The following GPATCH1 variants were observed in gnomAD, a reference collection of about 807,000 sequenced individuals.
The protein encoded by GPATCH1 is G patch domain-containing protein 1.
Under a neutral mutation model 114.9 loss-of-function variants are expected in GPATCH1, and 73 were observed. That is an observed-to-expected ratio of 0.64 (90% CI 0.53 to 0.77). The LOEUF (loss-of-function observed/expected upper bound fraction) is 0.77, where lower values mean the gene tolerates loss of function less well. Among genes scored for constraint, GPATCH1 ranks in the 30% least tolerant of loss-of-function variants. GPATCH1 has a pLI of 0.00. For missense variants in GPATCH1, 1,058 were observed against 1,144.3 expected (o/e 0.92, Z 1.09); for synonymous variants, 391 against 428.4 (o/e 0.91, Z 1.08).
chr19:33,086,136 C>T (rs1972531806), intron 1 of GPATCH1, among the ~76,000 whole-genome samples: 1 of 152,178 alleles, frequency 6.6e-6, no homozygotes, highest in African/African-American at 2.4e-5. Context: ...AAGAATTCTC[C>T]AGCACAAAAT....
chr19:33,106,169 T>A (rs545463876), intron 9 of GPATCH1, among the ~76,000 whole-genome samples: 113 of 149,386 alleles, frequency 7.6e-4, no homozygotes, highest in Non-Finnish European at 1.2e-3. Flanking sequence ...TTTAAAAAAA[T>A]TTTTTTTTTA....
intron 9 of GPATCH1, among the ~76,000 whole-genome samples, chr19:33,104,414 G>T (rs1432561470): frequency 6.6e-6 from 1 of 152,000 alleles, no homozygotes; most frequent in African/African-American, 2.4e-5. Context: ...TTTCTGCCAT[G>T]TTCCTCTGGG....
chr19:33,105,203 G>A (rs1474780422), intron 9 of GPATCH1, among the ~76,000 whole-genome samples: 3 of 151,700 alleles, frequency 2.0e-5, no homozygotes, highest in East Asian at 1.9e-4. Context: ...AGGCTGAGGC[G>A]GGTGGATCAT....
chr19:33,094,479 T>A (rs542575124), intron 5 of GPATCH1, among the ~76,000 whole-genome samples: 6 of 152,188 alleles, frequency 3.9e-5, no homozygotes, highest in African/African-American at 1.4e-4. Flanking sequence ...CCAGGCTAAT[T>A]TTTTGTATTT....
chr19:33,111,775 G>A lies in GPATCH1; in HGVS notation c.1637G>A (p.Arg546His), dbSNP rs766374487. 4 of 1,614,130 alleles carry A rather than the reference G, an allele frequency of 2.5e-6. No homozygotes were observed. Among genetic ancestry groups the A allele is most frequent in the South Asian group, 1.1e-5 (1 of 91,088 alleles). Reference protein sequence around the residue: ...DPSMTEWERGRERDEFARAAL... With the variant: ...DPSMTEWERGHERDEFARAAL... ...AGCATGACAGAGTGGGAGCGAGGCCGTGAGCGGGATGAGTTTGCCCGGGCG... is the reference window on the plus strand; with the variant it reads ...AGCATGACAGAGTGGGAGCGAGGCCATGAGCGGGATGAGTTTGCCCGGGCG... The change falls in exon 12 of 20, where the codon CGT (arginine) becomes CAT (histidine). Residue 546 changes from arginine to histidine, a missense_variant. Arg to His is a conservative substitution (Grantham distance 29). Transcript: ENST00000170564.
At chr19:33,086,982 T>A (rs796139732) in intron 1 of GPATCH1, among the ~76,000 whole-genome samples, 3 of 145,834 alleles carry the variant, frequency 2.1e-5, no homozygotes, top group African/African-American at 8.4e-5. Context: ...AAAAAAAAAA[T>A]AAATAAAGTA....
Position 33,111,902 on chromosome 19 carries a change from G to A in GPATCH1, c.1764G>A (p.Glu588=). The A allele has an allele frequency of 8.7e-6, 14 of 1,611,106 alleles. No homozygotes were observed. The highest frequency in any genetic ancestry group is 1.2e-5 in the Non-Finnish European group (14 of 1,177,284). ...SDQVEVPRDQ[E]NDVGDKQSAV... ...AGGTTGAAGTCCCTCGAGACCAAGA[G>A]GTCTGTTGTCACCATGTCCCTTACC... The change falls in exon 12 of 20, where the codon GAG becomes GAA. Residue 588 remains glutamate, a splice_region_variant and synonymous_variant. Coordinates refer to ENST00000170564, the MANE Select transcript of GPATCH1 (RefSeq NM_018025.3).
At chr19:33,124,641 T>C (rs1329593008) in intron 17 of GPATCH1, among the ~76,000 whole-genome samples, 1 of 152,188 alleles carries the variant, frequency 6.6e-6, no homozygotes, top group African/African-American at 2.4e-5. Context: ...CTAGTCTGTG[T>C]CCCTAAAAGG....
At chr19:33,088,363 A>C in intron 2 of GPATCH1, 95 bp downstream of exon 2, 1 of 955,006 alleles carries the variant, frequency 1.0e-6, no homozygotes, top group Admixed American at 2.5e-5. Context: ...TTTAATTTTG[A>C]GACAAGAGTC....
In GPATCH1 at chr19:33,130,226, A is replaced by G. The variant is rs1204199305; in HGVS notation, c.*66A>G. On this transcript the variant is annotated 3_prime_UTR_variant, in exon 20 of 20. Transcript: ENST00000170564. ...CATGATGGAAGCCCAGTGATTGTTC[A>G]GTTAACGCATTGTACAGAGTGTATT... 7.2e-5 allele frequency: 79 copies of G among 1,104,104 alleles called. No homozygotes were observed. Among genetic ancestry groups the G allele is most frequent in the Middle Eastern group, 3.9e-4 (2 of 5,112 alleles). 68.4% of individuals were successfully genotyped at this position (1,104,104 alleles called of 1,614,324 possible). A position where few individuals can be genotyped will look rare whatever the true frequency, so the allele number is the denominator to read the frequency against.
At chr19:33,114,138 C>T (rs1599862953) in intron 14 of GPATCH1, 115 bp from the exon 15 acceptor site, 5 of 1,045,638 alleles carry the variant, frequency 4.8e-6, no homozygotes, top group Non-Finnish European at 7.2e-6. Flanking sequence ...GGACCCTACA[C>T]AGTGCCAGGC....
intron 10 of GPATCH1, among the ~76,000 whole-genome samples, chr19:33,108,243 C>T (rs1333560361): frequency 6.6e-6 from 1 of 152,280 alleles, no homozygotes; most frequent in African/African-American, 2.4e-5. Flanking sequence ...TTCCCCTCAC[C>T]AGCAGCTGGA....
At chr19:33,124,043 AG>A (rs1337009863) in intron 17 of GPATCH1, among the ~76,000 whole-genome samples, 1 of 151,914 alleles carries the variant, frequency 6.6e-6, no homozygotes, top group African/African-American at 2.4e-5. Context: ...TAATAGAGAC[AG>A]GGTTTCACCG....
rs1031967996 is a variant in GPATCH1, at chr19:33,130,236, T to C, written c.*76T>C. On this transcript the variant is annotated 3_prime_UTR_variant, in exon 20 of 20. Transcript: ENST00000170564. Reference sequence around the variant, plus strand: ...GCCCAGTGATTGTTCAGTTAACGCATTGTACAGAGTGTATTTATATGTAAA... The same window carrying C: ...GCCCAGTGATTGTTCAGTTAACGCACTGTACAGAGTGTATTTATATGTAAA... 5.0e-5 allele frequency: 48 copies of C among 964,322 alleles called. 1 individual carries two copies. Among genetic ancestry groups the C allele is most frequent in the Non-Finnish European group, 7.6e-5 (46 of 604,268 alleles). The allele number at this position is 964,322 out of a possible 1,614,324, so 59.7% of individuals were successfully genotyped here. A position where few individuals can be genotyped will look rare whatever the true frequency, so the allele number is the denominator to read the frequency against.
At chr19:33,084,821 C>T (rs891172422) in intron 1 of GPATCH1, among the ~76,000 whole-genome samples, 4 of 152,044 alleles carry the variant, frequency 2.6e-5, no homozygotes, top group Admixed American at 6.6e-5. Flanking sequence ...CCACCACGCC[C>T]GGCTAATTTT....
rs189544088 is a variant in GPATCH1 at position 33,086,414 on chromosome 19, C to T, written c.74-1720C>T. On this transcript the variant is annotated intron_variant, in intron 1 of 19. Coordinates refer to ENST00000170564, the MANE Select transcript of GPATCH1 (RefSeq NM_018025.3). ...GGGCTTCTTTATTACCTTGATTTTA[C>T]AGTTGTGGAGGCTGAGGCTTAGAGT... Among the ~76,000 whole-genome samples the T allele has an allele frequency of 1.8e-4, 27 of 152,268 alleles. No individual in the cohort carries two copies. The East Asian group carries it at 4.2e-3, about 24-fold the overall frequency.
intron 6 of GPATCH1, 137 bp from the exon 7 acceptor site, chr19:33,096,070 A>G (rs1312463459): frequency 1.1e-6 from 1 of 894,846 alleles, no homozygotes; most frequent in East Asian, 2.5e-5. Context: ...AAAGTGATTT[A>G]GTCATTTATA....
At chr19:33,089,872 A>G (rs552054053) in intron 2 of GPATCH1, among the ~76,000 whole-genome samples, 18 of 152,194 alleles carry the variant, frequency 1.2e-4, no homozygotes, top group African/African-American at 4.1e-4. Context: ...CACCCGCCTC[A>G]GCTTCCCCAA....
At chr19:33,120,905 G>T (rs1972976250) in intron 17 of GPATCH1, among the ~76,000 whole-genome samples, 1 of 151,336 alleles carries the variant, frequency 6.6e-6, no homozygotes, top group Non-Finnish European at 1.5e-5. Context: ...CAGAAGAAGG[G>T]CGTGAACCTG....
Sources: allele counts gnomAD v4.1 joint callset (sites outside exome capture counted in the v4.1 genomes callset), GRCh38; gene constraint gnomAD v4.1.1; transcripts MANE v1.5; gene names NCBI Gene and HGNC (gene_info 2026-07-23, HGNC 2026-07-21).